Variants in CD2AP observed in about 807,000 individuals in gnomAD.
CD2AP encodes the protein CD2-associated protein.
Under a neutral mutation model 85.1 loss-of-function variants are expected in CD2AP, and 46 were observed. The ratio of observed to expected loss-of-function variants is 0.54; its 90% confidence interval spans 0.43 to 0.69. The LOEUF (loss-of-function observed/expected upper bound fraction) is 0.69, where lower values mean the gene tolerates loss of function less well. Ranked by LOEUF, CD2AP falls within the 30% of genes least tolerant of loss-of-function variation. The pLI, the probability that CD2AP is intolerant of heterozygous loss-of-function variation, is 0.00. For missense variants in CD2AP, 769 were observed against 729.5 expected (o/e 1.05, Z -0.62); for synonymous variants, 255 against 252.9 (o/e 1.01, Z -0.08).
Position 47,497,509 on chromosome 6 carries a change from C to G in CD2AP, c.5-5771C>G, listed in dbSNP as rs141061103. ...TCTGGACTCAAGCCATTCTCTCACTCAAGCCATCCTCTCACTTCAGCTTCC... is the reference window on the plus strand; with the variant it reads ...TCTGGACTCAAGCCATTCTCTCACTGAAGCCATCCTCTCACTTCAGCTTCC... On this transcript the variant is annotated intron_variant, in intron 1 of 17. Coordinates refer to ENST00000359314, the MANE Select transcript of CD2AP (RefSeq NM_012120.3). Among the ~76,000 whole-genome samples, 335 of 152,116 alleles carry G rather than the reference C, an allele frequency of 2.2e-3. 2 individuals are homozygous for G. The highest frequency in any genetic ancestry group is 7.7e-3 in the African/African-American group (321 of 41,504).
chr6:47,548,030 A>G (rs1310713214), intron 4 of CD2AP, among the ~76,000 whole-genome samples: 3 of 152,172 alleles, frequency 2.0e-5, no homozygotes, highest in African/African-American at 7.2e-5. Context: ...GGCAGTGCTA[A>G]GAGGAAAGTT....
chr6:47,572,267 C>T (rs1436623729), intron 5 of CD2AP, among the ~76,000 whole-genome samples: 1 of 152,146 alleles, frequency 6.6e-6, no homozygotes, highest in African/African-American at 2.4e-5. Context: ...TGCCTGCGCC[C>T]GGATCCACTG....
intron 2 of CD2AP, among the ~76,000 whole-genome samples, chr6:47,516,603 A>G (rs980227024): frequency 2.6e-5 from 4 of 152,332 alleles, no homozygotes; most frequent in South Asian, 2.1e-4. Context: ...TTCTGGATTG[A>G]GAGAAGATCC....
chr6:47,506,908 CTTAT>C (rs910359131), intron 2 of CD2AP, among the ~76,000 whole-genome samples: 12 of 152,106 alleles, frequency 7.9e-5, no homozygotes, highest in African/African-American at 2.7e-4. Context: ...CATCAATTTG[CTTAT>C]TTAGTGAAAG....
At chr6:47,543,959 T>C (rs1172459112) in intron 3 of CD2AP, among the ~76,000 whole-genome samples, 1 of 152,230 alleles carries the variant, frequency 6.6e-6, no homozygotes, top group African/African-American at 2.4e-5. Context: ...AGCTGCTTAA[T>C]GATTCACTTT....
In CD2AP at chr6:47,484,123, C is replaced by T. The variant is rs1663617122; in HGVS notation, c.4+5875C>T. On this transcript the variant is annotated intron_variant, in intron 1 of 17. Transcript: ENST00000359314. ...TTGGCAATACTCCCTCATACTCCTC[C>T]CAGCTTTTGTTTATTTTGGCTTACG... Among the ~76,000 whole-genome samples, 2 of 152,080 alleles carry T rather than the reference C, an allele frequency of 1.3e-5. 1 individual carries two copies. The highest frequency in any genetic ancestry group is 4.1e-4 in the South Asian group (2 of 4,824).
chr6:47,596,070 C>T (rs1015481691), intron 12 of CD2AP, 44 bp downstream of exon 12: 3 of 1,420,436 alleles, frequency 2.1e-6, no homozygotes, highest in East Asian at 2.3e-5. Flanking sequence ...ATTTACTCAC[C>T]TTTGACCTTA....
At chr6:47,596,089 A>G (rs1461816307) in intron 12 of CD2AP, 63 bp downstream of exon 12, 5 of 1,156,488 alleles carry the variant, frequency 4.3e-6, no homozygotes, top group East Asian at 2.3e-5. Context: ...TAATGGCTCT[A>G]TTGCCTTTCT....
intron 11 of CD2AP, among the ~76,000 whole-genome samples, chr6:47,591,638 A>G (rs1002237558): frequency 1.3e-5 from 2 of 152,080 alleles, no homozygotes; most frequent in Non-Finnish European, 2.9e-5. Flanking sequence ...ATTTCAATTA[A>G]TGCAGTAGGA....
intron 2 of CD2AP, among the ~76,000 whole-genome samples, chr6:47,526,077 G>C (rs1375006354): frequency 6.6e-6 from 1 of 152,150 alleles, no homozygotes; most frequent in African/African-American, 2.4e-5. Context: ...TTTGGTAAAA[G>C]TGAATGAAGG....
chr6:47,480,880 C>T (rs1021028318), intron 1 of CD2AP, among the ~76,000 whole-genome samples: 1 of 151,996 alleles, frequency 6.6e-6, no homozygotes, highest in African/African-American at 2.4e-5. Context: ...ATACTTTTTT[C>T]AATGTTGGAT....
intron 11 of CD2AP, among the ~76,000 whole-genome samples, chr6:47,585,089 T>C (rs555114075): frequency 2.2e-4 from 33 of 151,480 alleles, no homozygotes; most frequent in Non-Finnish European, 4.4e-4. Context: ...GTCAGGACAT[T>C]GAGACCATCC....
chr6:47,504,209 T>G (rs1231224419), intron 2 of CD2AP, among the ~76,000 whole-genome samples: 1 of 152,244 alleles, frequency 6.6e-6, no homozygotes, highest in Non-Finnish European at 1.5e-5. Flanking sequence ...TTCTGTGTAT[T>G]AGTTTTCTTA....
At chr6:47,604,745 A>C (rs529770434) in intron 13 of CD2AP, among the ~76,000 whole-genome samples, 1 of 152,152 alleles carries the variant, frequency 6.6e-6, no homozygotes, top group Non-Finnish European at 1.5e-5. Flanking sequence ...CAGATTATAT[A>C]ATGCATTTTT....
intron 2 of CD2AP, among the ~76,000 whole-genome samples, chr6:47,520,625 GTGGGGTCTA>G (rs1431475441): frequency 6.6e-6 from 1 of 152,064 alleles, no homozygotes; most frequent in Non-Finnish European, 1.5e-5. Flanking sequence ...GGGGGCGAAA[GTGGGGTCTA>G]TGGTGGTGAT....
intron 3 of CD2AP, among the ~76,000 whole-genome samples, chr6:47,534,865 G>A (rs1766984787): frequency 6.6e-6 from 1 of 151,278 alleles, no homozygotes; most frequent in African/African-American, 2.4e-5. Flanking sequence ...TGCAGTCACA[G>A]CTCACTGCGG....
chr6:47,590,993 C>T (rs926763722), intron 11 of CD2AP, among the ~76,000 whole-genome samples: 4 of 152,102 alleles, frequency 2.6e-5, no homozygotes, highest in African/African-American at 9.7e-5. Context: ...AAGCAATCTG[C>T]ACATTCAGTG....
At chr6:47,546,000 A>G (rs958661830) in intron 4 of CD2AP, among the ~76,000 whole-genome samples, 12 of 152,170 alleles carry the variant, frequency 7.9e-5, no homozygotes, top group African/African-American at 2.7e-4. Flanking sequence ...ATCCAAACCA[A>G]GAAGAAATCC....
intron 1 of CD2AP, among the ~76,000 whole-genome samples, chr6:47,491,599 G>A (rs1440774221): frequency 6.6e-6 from 1 of 151,958 alleles, no homozygotes; most frequent in Non-Finnish European, 1.5e-5. Flanking sequence ...TGTAGTCAAT[G>A]CCCATACAAC....
Sources: allele counts gnomAD v4.1 joint callset (sites outside exome capture counted in the v4.1 genomes callset), GRCh38; gene constraint gnomAD v4.1.1; transcripts MANE v1.5; gene names NCBI Gene and HGNC (gene_info 2026-07-23, HGNC 2026-07-21).